Variants in SIPA1L3 observed in about 807,000 individuals in gnomAD.
SIPA1L3 encodes signal induced proliferation associated 1 like 3, also known as signal-induced proliferation-associated 1-like protein 3.
SIPA1L3 carries 59 observed loss-of-function variants against 150.1 expected under a neutral mutation model. The observed-to-expected ratio is 0.39, with a 90% confidence interval of 0.32 to 0.49. The LOEUF is 0.49. Among genes scored for constraint, SIPA1L3 ranks in the 20% least tolerant of loss-of-function variants. The pLI, the probability that SIPA1L3 is intolerant of heterozygous loss-of-function variation, is 0.86. For synonymous variants in SIPA1L3, 1,070 were observed against 1,077.6 expected (o/e 0.99, Z 0.14); for missense variants, 2,211 against 2,489.5 (o/e 0.89, Z 2.38).
intron 1 of SIPA1L3, among the ~76,000 whole-genome samples, chr19:37,974,006 A>G (rs990278515): frequency 3.3e-5 from 5 of 152,158 alleles, no homozygotes; most frequent in African/African-American, 1.2e-4. Context: ...CAGCAAATTA[A>G]CAGGACATGG....
chr19:38,057,366 A>G (rs1012501900), intron 2 of SIPA1L3, among the ~76,000 whole-genome samples: 4 of 151,484 alleles, frequency 2.6e-5, no homozygotes, highest in African/African-American at 9.7e-5. Context: ...ATATATGTAT[A>G]TATATGGGAA....
intron 2 of SIPA1L3, among the ~76,000 whole-genome samples, chr19:38,040,514 T>C (rs1968893580): frequency 6.6e-6 from 1 of 152,226 alleles, no homozygotes; most frequent in Middle Eastern, 3.2e-3. Context: ...AAAGTGGTTA[T>C]ATAATCGCCT....
At position 38,021,366 on chromosome 19, in the gene SIPA1L3, G is replaced by A. The variant is rs140872868; in HGVS notation, c.-378-7723G>A. On this transcript the variant is annotated intron_variant, in intron 1 of 21. Coordinates refer to ENST00000222345, the MANE Select transcript of SIPA1L3 (RefSeq NM_015073.3). The stretch of plus-strand genomic sequence containing the variant: ...CCAGCACTGCTCTGACCCTCTTGCC[G>A]CCATGGCCTTAAGACAGCTGTTGGA... Among the ~76,000 whole-genome samples the A allele has an allele frequency of 1.2e-3, 179 of 152,236 alleles. 1 individual carries two copies. The highest frequency in any genetic ancestry group is 4.1e-3 in the African/African-American group (172 of 41,546).
chr19:38,082,050 C>G lies in SIPA1L3; in HGVS notation c.485C>G (p.Ala162Gly), dbSNP rs1184929058. The change falls in exon 3 of 22, where the codon GCC (alanine) becomes GGC (glycine). Residue 162 changes from alanine (A) to glycine (G), a missense_variant. Physicochemically the swap from Ala to Gly is moderately conservative, Grantham distance 60. Coordinates refer to ENST00000222345, the MANE Select transcript of SIPA1L3 (RefSeq NM_015073.3). ...GGGTGGCCCCGGTCCCCCGGCAGGG[C>G]CTTCCTCCCCCTTCGGCACCGCAGC... is the stretch of plus-strand genomic sequence containing the variant. Reference protein sequence around the residue: ...QDGWPRSPGRAFLPLRHRSSS... With the variant: ...QDGWPRSPGRGFLPLRHRSSS... The G allele has an allele frequency of 1.9e-6, 3 of 1,613,558 alleles. No individual in the cohort carries two copies. Among genetic ancestry groups the G allele is most frequent in the Non-Finnish European group, 2.5e-6 (3 of 1,179,988 alleles).
intron 6 of SIPA1L3, among the ~76,000 whole-genome samples, chr19:38,102,419 C>G (rs1451532268): frequency 6.6e-6 from 1 of 151,754 alleles, no homozygotes; most frequent in Non-Finnish European, 1.5e-5. Context: ...CTCCAGGGAT[C>G]CTTGGCCTCC....
chr19:37,939,730 G>A (rs1445797134), intron 1 of SIPA1L3, among the ~76,000 whole-genome samples: 1 of 152,228 alleles, frequency 6.6e-6, no homozygotes, highest in Non-Finnish European at 1.5e-5. Context: ...ATATGTAGCT[G>A]CAGGGGAACC....
intron 10 of SIPA1L3, 162 bp downstream of exon 10, chr19:38,130,934 T>A (rs1971294245): frequency 1.4e-6 from 1 of 708,026 alleles, no homozygotes; most frequent in Non-Finnish European, 2.3e-6. Context: ...AGGGCACATC[T>A]ACAGAGCGCT....
intron 13 of SIPA1L3, among the ~76,000 whole-genome samples, chr19:38,161,104 G>A (rs1262453210): frequency 6.6e-6 from 1 of 152,116 alleles, no homozygotes; most frequent in African/African-American, 2.4e-5. Context: ...AGCACTTTGG[G>A]AGGCTGAGAT....
intron 18 of SIPA1L3, among the ~76,000 whole-genome samples, chr19:38,197,177 C>G (rs1260663178): frequency 6.6e-6 from 1 of 152,102 alleles, no homozygotes; most frequent in South Asian, 2.1e-4. Flanking sequence ...TCCCTTGGCC[C>G]TGCACAGAGG....
intron 15 of SIPA1L3, among the ~76,000 whole-genome samples, chr19:38,167,231 C>CAAAAAAAAAAAAAAAAAAA: frequency 1.1e-5 from 1 of 87,530 alleles, no homozygotes; most frequent in Non-Finnish European, 2.3e-5. Flanking sequence ...GATTCCATCT[C>CAAAAAAAAAAAAAAAAAAA]AAAAAAAAAA....
At chr19:37,926,581 G>A (rs1599800924) in intron 1 of SIPA1L3, among the ~76,000 whole-genome samples, 2 of 152,136 alleles carry the variant, frequency 1.3e-5, no homozygotes, top group Admixed American at 6.6e-5. Flanking sequence ...GAATCTCTGC[G>A]GGGACCAGGT....
intron 1 of SIPA1L3, among the ~76,000 whole-genome samples, chr19:37,932,180 G>C (rs369290715): frequency 6.6e-6 from 1 of 152,206 alleles, no homozygotes; most frequent in African/African-American, 2.4e-5. Flanking sequence ...GCATCCAGGC[G>C]CAAGCTCAGG....
Position 38,101,086 on chromosome 19 carries a change from G to C in SIPA1L3, c.1889G>C (p.Cys630Ser). The change falls in exon 6 of 22, where the codon TGC (cysteine) becomes TCC (serine). Residue 630 changes from cysteine to serine, a missense_variant. Physicochemically the swap from Cys to Ser is moderately radical, Grantham distance 112. Transcript: ENST00000222345. ...AAGCACAAGGTGGGCATCCTCTATTGCAAGGCCGGCCAGAGCTCCGAGGAG... is the reference window on the plus strand; with the variant it reads ...AAGCACAAGGTGGGCATCCTCTATTCCAAGGCCGGCCAGAGCTCCGAGGAG... ...CRKHKVGILYCKAGQSSEEEM... is the reference protein window; with the variant it reads ...CRKHKVGILYSKAGQSSEEEM... The C allele has an allele frequency of 6.3e-7, 1 of 1,589,642 alleles. No homozygotes were observed. The highest frequency in any genetic ancestry group is 1.1e-5 in the South Asian group (1 of 88,116).
At chr19:38,122,824 G>A (rs1320075638) in intron 9 of SIPA1L3, among the ~76,000 whole-genome samples, 3 of 152,146 alleles carry the variant, frequency 2.0e-5, no homozygotes, top group Admixed American at 6.6e-5. Context: ...CACATGGCTC[G>A]CTCCCTTTCC....
chr19:37,931,146 T>G (rs936291775), intron 1 of SIPA1L3, among the ~76,000 whole-genome samples: 9 of 152,192 alleles, frequency 5.9e-5, no homozygotes, highest in African/African-American at 2.2e-4. Context: ...TGACTGACTC[T>G]GAGGGCAGCA....
At chr19:38,148,276 G>A (rs548250165) in intron 12 of SIPA1L3, among the ~76,000 whole-genome samples, 23 of 151,596 alleles carry the variant, frequency 1.5e-4, no homozygotes, top group Non-Finnish European at 2.5e-4. Flanking sequence ...ACTTGAACCC[G>A]GGAGGCGGAG....
intron 1 of SIPA1L3, among the ~76,000 whole-genome samples, chr19:37,978,194 A>T (rs1231299930): frequency 6.6e-6 from 1 of 152,106 alleles, no homozygotes; most frequent in African/African-American, 2.4e-5. Flanking sequence ...TGGCTCCAGG[A>T]TGCATCTCTG....
chr19:38,190,330 G>A (rs907399915), intron 16 of SIPA1L3, among the ~76,000 whole-genome samples: 2 of 152,134 alleles, frequency 1.3e-5, no homozygotes, highest in East Asian at 3.9e-4. Context: ...GGGTGGGGGA[G>A]TCCCCTTTTG....
At position 38,206,368 on chromosome 19, in the gene SIPA1L3, C is replaced by T. The variant is rs929579554; in HGVS notation, c.*128C>T. 46 of 1,134,646 alleles carry T rather than the reference C, an allele frequency of 4.1e-5. No homozygotes were observed. The highest frequency in any genetic ancestry group is 5.3e-5 in the Non-Finnish European group (43 of 815,254). The allele number at this position is 1,134,646 out of a possible 1,614,324, so 70.3% of individuals were successfully genotyped here. On this transcript the variant is annotated 3_prime_UTR_variant, in exon 22 of 22. Coordinates refer to ENST00000222345, the MANE Select transcript of SIPA1L3 (RefSeq NM_015073.3). ...CCATCCAGGGCCCTCCCCATGGACACGGAAACTCCGATGGCCTCACTAGGG... is the reference window on the plus strand; with the variant it reads ...CCATCCAGGGCCCTCCCCATGGACATGGAAACTCCGATGGCCTCACTAGGG...
Sources: gnomAD v4.1 joint callset for allele counts (sites outside exome capture counted in the v4.1 genomes callset) on GRCh38, gnomAD v4.1.1 for gene constraint, MANE v1.5 for transcripts, NCBI Gene and HGNC (gene_info 2026-07-23, HGNC 2026-07-21) for gene names.